Variants in PRKCE observed in about 807,000 individuals in gnomAD.
The protein encoded by PRKCE is protein kinase C epsilon, also known as protein kinase C epsilon type.
Under a neutral mutation model 85.4 loss-of-function variants are expected in PRKCE, and 16 were observed. The observed-to-expected ratio is 0.19, with a 90% CI of 0.13 to 0.28. PRKCE has a LOEUF of 0.28. Ranked by LOEUF, PRKCE falls within the 10% of genes least tolerant of loss-of-function variation. The probability of loss-of-function intolerance (pLI) is 1.00; values close to 1 mark genes in which losing one functional copy is unlikely to be tolerated. For synonymous variants in PRKCE, 388 were observed against 371.5 expected, an observed-to-expected ratio of 1.04 and a Z score of -0.51; for missense variants, 573 against 975.2, an observed-to-expected ratio of 0.59 and a Z score of 5.49.
At chr2:45,839,125 TAA>T (rs35178972) in intron 1 of PRKCE, among the ~76,000 whole-genome samples, 27 of 150,902 alleles carry the variant, frequency 1.8e-4, no homozygotes, top group East Asian at 7.8e-4. Context: ...GGTGCTTAGT[TAA>T]AAAAAAAATT....
At chr2:46,003,931 A>G (rs1464600305) in intron 7 of PRKCE, 1 of 152,774 alleles carries the variant, frequency 6.5e-6, no homozygotes, top group Non-Finnish European at 1.5e-5. Flanking sequence ...AATGAAAGTT[A>G]TATGTAAGAT....
chr2:45,856,939 T>C (rs1263052885), intron 2 of PRKCE, among the ~76,000 whole-genome samples: 4 of 152,250 alleles, frequency 2.6e-5, no homozygotes, highest in African/African-American at 9.6e-5. Flanking sequence ...ACATTTTCTT[T>C]GTCCATTCAT....
intron 2 of PRKCE, among the ~76,000 whole-genome samples, chr2:45,922,915 T>C (rs1698357108): frequency 6.6e-6 from 1 of 152,144 alleles, no homozygotes. Flanking sequence ...CACATATTAG[T>C]CATTGGAAAT....
At chr2:45,693,301 G>A (rs1357075315) in intron 1 of PRKCE, among the ~76,000 whole-genome samples, 1 of 152,218 alleles carries the variant, frequency 6.6e-6, no homozygotes, top group Non-Finnish European at 1.5e-5. Context: ...TGTTGAATCT[G>A]AGATCATTAA....
intron 1 of PRKCE, among the ~76,000 whole-genome samples, chr2:45,664,233 C>A (rs1427521460): frequency 1.3e-5 from 2 of 152,138 alleles, no homozygotes; most frequent in Non-Finnish European, 2.9e-5. Flanking sequence ...TGTCCAAGTT[C>A]ACAGATCTAA....
chr2:46,078,113 A>G (rs1417653616), intron 10 of PRKCE: 1 of 152,216 alleles, frequency 6.6e-6, no homozygotes, highest in African/African-American at 2.4e-5. Context: ...ACAATAAAAC[A>G]TTTTGGACAA....
chr2:46,085,749 G>GT (rs1388907038), intron 10 of PRKCE, among the ~76,000 whole-genome samples: 1 of 18,658 alleles, frequency 5.4e-5, no homozygotes, highest in Non-Finnish European at 1.4e-4. Flanking sequence ...TTTTTTTTTT[G>GT]TTTTTGTTTT....
At chr2:46,157,100 G>A (rs994448974) in intron 13 of PRKCE, among the ~76,000 whole-genome samples, 6 of 152,308 alleles carry the variant, frequency 3.9e-5, no homozygotes, top group Admixed American at 3.9e-4. Flanking sequence ...CTTACACTTT[G>A]GAGCTGCAAC....
At chr2:45,893,335 T>C (rs1263243575) in intron 2 of PRKCE, among the ~76,000 whole-genome samples, 1 of 122,554 alleles carries the variant, frequency 8.2e-6, no homozygotes, top group Non-Finnish European at 1.7e-5. Flanking sequence ...GCCTGGCTCA[T>C]GTCTTTTCTT....
chr2:45,826,432 T>C (rs1032780449), intron 1 of PRKCE, among the ~76,000 whole-genome samples: 1 of 152,136 alleles, frequency 6.6e-6, no homozygotes, highest in Non-Finnish European at 1.5e-5. Flanking sequence ...AGACAGCAAA[T>C]AGCCTTATGT....
At chr2:45,732,287 C>A (rs1681646675) in intron 1 of PRKCE, among the ~76,000 whole-genome samples, 1 of 152,036 alleles carries the variant, frequency 6.6e-6, no homozygotes, top group Non-Finnish European at 1.5e-5. Flanking sequence ...TAGGTGAGCC[C>A]TGAATGCCAT....
chr2:45,966,795 G>C (rs1701761343), intron 2 of PRKCE, among the ~76,000 whole-genome samples: 1 of 152,154 alleles, frequency 6.6e-6, no homozygotes, highest in East Asian at 1.9e-4. Context: ...GTGGCAAGTA[G>C]GTAACATCTG....
intron 14 of PRKCE, among the ~76,000 whole-genome samples, chr2:46,162,409 G>A (rs73926202): frequency 0.041 from 6,307 of 152,200 alleles, 136 homozygotes; most frequent in East Asian, 0.083. Flanking sequence ...AGCTCCCACC[G>A]ATTTCAAAAC....
At chr2:46,015,845 C>G (rs975525136) in intron 10 of PRKCE, among the ~76,000 whole-genome samples, 1 of 152,186 alleles carries the variant, frequency 6.6e-6, no homozygotes, top group Non-Finnish European at 1.5e-5. Flanking sequence ...ACCTGAGGCA[C>G]CACTACTACT....
intron 1 of PRKCE, among the ~76,000 whole-genome samples, chr2:45,658,589 C>A (rs1233939404): frequency 6.6e-6 from 1 of 152,180 alleles, no homozygotes; most frequent in Admixed American, 6.5e-5. Context: ...GTTTCTTCAT[C>A]TGTAAAATGG....
intron 11 of PRKCE, among the ~76,000 whole-genome samples, chr2:46,125,727 A>G (rs1380574606): frequency 2.0e-5 from 3 of 152,224 alleles, no homozygotes; most frequent in African/African-American, 7.2e-5. Context: ...ACAGACACTT[A>G]GTAGGTACAT....
At chr2:45,746,815 T>G (rs920875991) in intron 1 of PRKCE, among the ~76,000 whole-genome samples, 1 of 152,162 alleles carries the variant, frequency 6.6e-6, no homozygotes, top group African/African-American at 2.4e-5. Flanking sequence ...CCAGCATGCT[T>G]CTTCTCTCCA....
chr2:45,849,189 G>A lies in PRKCE; in HGVS notation c.412+6126G>A, dbSNP rs149942994. Among the ~76,000 whole-genome samples the A allele has an allele frequency of 1.1e-4, 17 of 152,222 alleles. No homozygotes were observed. In the East Asian group the frequency reaches 3.3e-3, roughly 29 times the overall value. The stretch of plus-strand genomic sequence containing the variant: ...TGAAGATTGAAGGCAGTTCCTTCTG[G>A]GTGTGACTTCTGGGTCAAGTCTTTC... On this transcript the variant is annotated intron_variant, in intron 2 of 14. Transcript: ENST00000306156.
At chr2:45,777,721 A>T (rs557380936) in intron 1 of PRKCE, among the ~76,000 whole-genome samples, 1 of 152,234 alleles carries the variant, frequency 6.6e-6, no homozygotes, top group East Asian at 1.9e-4. Flanking sequence ...GGAAAGAGTC[A>T]GGATTTGGAT....
Sources: gnomAD v4.1 joint callset for allele counts (sites outside exome capture counted in the v4.1 genomes callset) on GRCh38, gnomAD v4.1.1 for gene constraint, MANE v1.5 for transcripts, NCBI Gene and HGNC (gene_info 2026-07-23, HGNC 2026-07-21) for gene names.